Variants in NSUN4 observed in about 807,000 individuals in gnomAD.
NSUN4 encodes the protein 5-cytosine rRNA methyltransferase NSUN4.
In NSUN4, 31 loss-of-function variants were observed where a neutral mutation model predicts 43.8. That is an observed-to-expected ratio of 0.71 (90% CI 0.53 to 0.96). The LOEUF (loss-of-function observed/expected upper bound fraction) is 0.96, where lower values mean the gene tolerates loss of function less well. NSUN4 is among the 40% of genes least tolerant of loss of function. The pLI is 0.00. For missense variants in NSUN4, 439 were observed against 475.6 expected, an observed-to-expected ratio of 0.92 and a Z score of 0.72; for synonymous variants, 167 against 184.1, an observed-to-expected ratio of 0.91 and a Z score of 0.75.
intron 4 of NSUN4, among the ~76,000 whole-genome samples, chr1:46,357,126 T>C (rs1421364427): frequency 6.6e-6 from 1 of 152,168 alleles, no homozygotes; most frequent in African/African-American, 2.4e-5. Context: ...GTTTCCTAAG[T>C]GTAGTGCAAC....
chr1:46,341,622 C>A, intron 1 of NSUN4: 1 of 1,205,420 alleles, frequency 8.3e-7, no homozygotes, highest in Non-Finnish European at 1.0e-6. Flanking sequence ...CCAGCCGATT[C>A]CCTCGCCACC....
intron 3 of NSUN4, among the ~76,000 whole-genome samples, chr1:46,352,132 C>T (rs953579035): frequency 6.7e-6 from 1 of 148,634 alleles, no homozygotes; most frequent in Non-Finnish European, 1.5e-5. Context: ...TGCCCAGACT[C>T]AGAGACCCTG....
the NSUN4 span, among the ~76,000 whole-genome samples, chr1:46,383,542 G>A: frequency 1.4e-4 from 20 of 139,958 alleles, no homozygotes; most frequent in Non-Finnish European, 2.4e-4. Flanking sequence ...TGCAAGCTCC[G>A]CCTCCCGGGT....
At chr1:46,357,951 G>A (rs1176302199) in intron 4 of NSUN4, among the ~76,000 whole-genome samples, 1 of 152,154 alleles carries the variant, frequency 6.6e-6, no homozygotes, top group East Asian at 1.9e-4. Flanking sequence ...GTCTCGCTCT[G>A]TTGTCCAAGT....
At chr1:46,341,192 C>T (rs1662073528) in intron 1 of NSUN4, 2 of 1,217,982 alleles carry the variant, frequency 1.6e-6, no homozygotes. Flanking sequence ...ATGTCACTGT[C>T]TCTTGTTCCC....
At chr1:46,375,514 T>A in the NSUN4 span, among the ~76,000 whole-genome samples, 2 of 151,240 alleles carry the variant, frequency 1.3e-5, no homozygotes, top group African/African-American at 4.9e-5. Flanking sequence ...CGAGAGTCTT[T>A]TTTGAGCCTA....
chr1:46,359,428 G>A (rs1663639754), intron 4 of NSUN4, among the ~76,000 whole-genome samples: 1 of 151,740 alleles, frequency 6.6e-6, no homozygotes, highest in East Asian at 1.9e-4. Context: ...GCCAAAGGCT[G>A]GAGTGCAGTG....
intron 3 of NSUN4, among the ~76,000 whole-genome samples, chr1:46,352,217 A>C (rs1366965018): frequency 6.6e-6 from 1 of 151,142 alleles, no homozygotes; most frequent in African/African-American, 2.4e-5. Flanking sequence ...TTGGGAGGCC[A>C]AGGCAGGCGG....
At chr1:46,365,651 T>C (rs1664118276), downstream of NSUN4, among the ~76,000 whole-genome samples, 1 of 152,106 alleles carries the variant, frequency 6.6e-6, no homozygotes, top group Admixed American at 6.5e-5. Flanking sequence ...CCATGTTTTC[T>C]TCTGAGTAAA....
At chr1:46,373,581 T>G in the NSUN4 span, among the ~76,000 whole-genome samples, 1 of 152,308 alleles carries the variant, frequency 6.6e-6, no homozygotes, top group East Asian at 1.9e-4. Context: ...CATGAGCCAA[T>G]CTGGCTTTTA....
chr1:46,355,248 TG>T (rs1393475416), intron 4 of NSUN4, among the ~76,000 whole-genome samples: 4 of 152,216 alleles, frequency 2.6e-5, no homozygotes, highest in Admixed American at 2.0e-4. Context: ...ATTCAGCCTA[TG>T]CTTAAACACA....
chr1:46,379,104 TG>T, the NSUN4 span, among the ~76,000 whole-genome samples: 1 of 152,134 alleles, frequency 6.6e-6, no homozygotes, highest in African/African-American at 2.4e-5. Context: ...CCTGGATTAT[TG>T]GGGTCATTTA....
At chr1:46,360,923 G>A (rs1663823492) in intron 5 of NSUN4, 95 bp downstream of exon 5, 1 of 1,359,486 alleles carries the variant, frequency 7.4e-7, no homozygotes, top group Non-Finnish European at 1.0e-6. Flanking sequence ...ACCCACACAA[G>A]AATCTTATGG....
At position 46,362,044 on chromosome 1, in the gene NSUN4, A is replaced by C; in HGVS notation, c.*198A>C. ...ATTGTGGAGCATCAGCAGGTTTCCA[A>C]CTCACTCATTAACCCCTACCCCATC... On this transcript the variant is annotated 3_prime_UTR_variant, in exon 6 of 6. Coordinates refer to ENST00000474844, the MANE Select transcript of NSUN4 (RefSeq NM_199044.4). 1.6e-6 allele frequency: 1 copy of C among 609,474 alleles called. No homozygotes were observed. The highest frequency in any genetic ancestry group is 2.9e-6 in the Non-Finnish European group (1 of 347,920). The allele number at this position is 609,474 out of a possible 1,614,324, so 37.8% of individuals were successfully genotyped here.
At chr1:46,376,742 GTGTA>G in the NSUN4 span, among the ~76,000 whole-genome samples, 2 of 130,060 alleles carry the variant, frequency 1.5e-5, no homozygotes, top group East Asian at 2.4e-4. Flanking sequence ...GTGTGTGTGT[GTGTA>G]TAGAAACACA....
Position 46,341,191 on chromosome 1 carries a change from T to A in NSUN4, c.93+272T>A, listed in dbSNP as rs1265016971. On this transcript the variant is annotated intron_variant, in intron 1 of 5. Transcript: ENST00000474844. Reference sequence around the variant, plus strand: ...CTTCATTCTTTTAGTGATGTCACTGTCTCTTGTTCCCCAGCTGTGTCCACC... The same window carrying A: ...CTTCATTCTTTTAGTGATGTCACTGACTCTTGTTCCCCAGCTGTGTCCACC... 6 of 1,218,962 alleles carry A rather than the reference T, an allele frequency of 4.9e-6. No homozygotes were observed. The African/African-American group carries it at 9.4e-5, about 19-fold the overall frequency. 75.5% of individuals were successfully genotyped at this position (1,218,962 alleles called of 1,614,324 possible). A position where few individuals can be genotyped will look rare whatever the true frequency, so the allele number is the denominator to read the frequency against.
At chr1:46,349,933 C>A (rs1396233244) in intron 3 of NSUN4, among the ~76,000 whole-genome samples, 1 of 152,184 alleles carries the variant, frequency 6.6e-6, no homozygotes, top group African/African-American at 2.4e-5. Flanking sequence ...GAGAGTTGTT[C>A]TTCTAAGGCA....
intron 3 of NSUN4, among the ~76,000 whole-genome samples, chr1:46,349,620 T>C (rs1011031796): frequency 6.6e-6 from 1 of 152,234 alleles, no homozygotes; most frequent in African/African-American, 2.4e-5. Flanking sequence ...ACCCTTCTTT[T>C]CCAGGTCTTG....
In NSUN4 at chr1:46,352,988, G is replaced by T. The variant is rs1334468728; in HGVS notation, c.713G>T (p.Gly238Val). ...CAAGTTCGAGTTACCTCATGGGATG[G>T]CAGGAAATGGGGAGAACTGGAGGGG... is the stretch of plus-strand genomic sequence containing the variant. ...GNQVRVTSWD[G>V]RKWGELEGDT... Residue 238 changes from glycine (G) to valine (V), a missense_variant, in exon 4 of 6, where the codon GGC becomes GTC. Gly to Val is a moderately radical substitution (Grantham distance 109). Coordinates refer to ENST00000474844, the MANE Select transcript of NSUN4 (RefSeq NM_199044.4). 6.2e-7 allele frequency: 1 copy of T among 1,614,170 alleles called. No homozygotes were observed. The highest frequency in any genetic ancestry group is 8.5e-7 in the Non-Finnish European group (1 of 1,180,006).
Sources: gnomAD v4.1 joint callset for allele counts (sites outside exome capture counted in the v4.1 genomes callset) on GRCh38, gnomAD v4.1.1 for gene constraint, MANE v1.5 for transcripts, NCBI Gene and HGNC (gene_info 2026-07-23, HGNC 2026-07-21) for gene names.